Variants in COL4A2 observed in about 807,000 individuals in gnomAD.
COL4A2 encodes the protein collagen type IV alpha 2 chain.
A neutral mutation model predicts 200.2 loss-of-function variants in COL4A2; 99 were observed. That is an observed-to-expected ratio of 0.49 (90% CI 0.42 to 0.58). The LOEUF (loss-of-function observed/expected upper bound fraction) is 0.58. Among genes scored for constraint, COL4A2 ranks in the 20% least tolerant of loss-of-function variants. COL4A2 has a pLI of 0.00. For missense variants in COL4A2, 1,950 were observed against 2,314.1 expected (o/e 0.84, Z 3.23); for synonymous variants, 897 against 900.6 (o/e 1.00, Z 0.07).
At chr13:110,427,958 CTCACTA>C (rs1566527312) in intron 6 of COL4A2, among the ~76,000 whole-genome samples, 1 of 152,224 alleles carries the variant, frequency 6.6e-6, no homozygotes, top group Non-Finnish European at 1.5e-5. Context: ...ATCTGTGAAA[CTCACTA>C]TCTAAAATGC....
At position 110,385,019 on chromosome 13, in the gene COL4A2, C is replaced by T. The variant is rs569958375; in HGVS notation, c.180+27467C>T. Among the ~76,000 whole-genome samples, 7 of 152,274 alleles carry T rather than the reference C, an allele frequency of 4.6e-5. No homozygotes were observed. The East Asian group carries it at 1.4e-3, about 29-fold the overall frequency. On this transcript the variant is annotated intron_variant, in intron 4 of 47. Coordinates refer to ENST00000360467, the MANE Select transcript of COL4A2 (RefSeq NM_001846.4). ...GTGGCTCACGCCTGTAATCCTAGCACTTTGGGAGGCTGAGGCAGGCGGATC... is the reference window on the plus strand; with the variant it reads ...GTGGCTCACGCCTGTAATCCTAGCATTTTGGGAGGCTGAGGCAGGCGGATC...
intron 29 of COL4A2, among the ~76,000 whole-genome samples, chr13:110,474,429 CAG>C (rs746634127): frequency 2.0e-5 from 3 of 152,182 alleles, no homozygotes; most frequent in Admixed American, 1.3e-4. Context: ...GGACCCAGGA[CAG>C]GGGAGTTTTG....
At chr13:110,322,925 G>A (rs751571820) in intron 3 of COL4A2, among the ~76,000 whole-genome samples, 14 of 152,230 alleles carry the variant, frequency 9.2e-5, no homozygotes, top group Non-Finnish European at 2.9e-5. Context: ...TACTGAGGCC[G>A]CCCGAGTCAG....
intron 4 of COL4A2, among the ~76,000 whole-genome samples, chr13:110,421,908 G>A (rs1458282732): frequency 6.6e-6 from 1 of 152,360 alleles, no homozygotes; most frequent in East Asian, 1.9e-4. Context: ...TTGAGGAAGG[G>A]TTGACGAATG....
chr13:110,450,599 A>G (rs1881504151), intron 20 of COL4A2, 145 bp downstream of exon 20: 2 of 955,976 alleles, frequency 2.1e-6, no homozygotes, highest in Non-Finnish European at 3.1e-6. Context: ...GGATCCAGGT[A>G]GATTAGGGTG....
chr13:110,307,957 T>C lies in COL4A2; in HGVS notation c.44+10T>C, dbSNP rs756398337. The C allele has an allele frequency of 1.2e-4, 196 of 1,612,548 alleles. 1 individual carries two copies. The highest frequency in any genetic ancestry group is 6.2e-4 in the South Asian group (56 of 90,972). Reference sequence around the variant, plus strand: ...GCCCTGCCCTACGGCGGTAAGCGACTTTCTGCCTGGTCCCCGTGGGTCACG... The same window carrying C: ...GCCCTGCCCTACGGCGGTAAGCGACCTTCTGCCTGGTCCCCGTGGGTCACG... On this transcript the variant is annotated intron_variant, in intron 2 of 47. Transcript: ENST00000360467. This position sits in a 1 kb window ranked among gnomAD's most constrained non-coding sequence, Gnocchi z 5.0.
intron 34 of COL4A2, among the ~76,000 whole-genome samples, chr13:110,488,520 C>A (rs903059828): frequency 6.6e-6 from 1 of 152,176 alleles, no homozygotes; most frequent in African/African-American, 2.4e-5. Context: ...TCCTTACCAG[C>A]CACCTGTGTC....
chr13:110,397,393 A>G (rs977417359), intron 4 of COL4A2, among the ~76,000 whole-genome samples: 1 of 152,232 alleles, frequency 6.6e-6, no homozygotes, highest in African/African-American at 2.4e-5. Context: ...GTCAGTATTT[A>G]TAGGCTTGAT....
chr13:110,370,326 C>CA (rs1431419197), intron 4 of COL4A2, among the ~76,000 whole-genome samples: 1 of 151,994 alleles, frequency 6.6e-6, no homozygotes, highest in African/African-American at 2.4e-5. Context: ...TGCAATGTAG[C>CA]AATCTCGACT....
chr13:110,317,224 C>T (rs541316868), intron 3 of COL4A2, among the ~76,000 whole-genome samples: 1 of 151,302 alleles, frequency 6.6e-6, no homozygotes, highest in African/African-American at 2.4e-5. Context: ...CCCACACACA[C>T]AGACACACAC....
chr13:110,430,300 T>G (rs1399723888), intron 8 of COL4A2, 101 bp from the exon 9 acceptor site: 1 of 1,492,746 alleles, frequency 6.7e-7, no homozygotes, highest in African/African-American at 1.4e-5. Context: ...CTGATAGGGC[T>G]GATCTGTTTG....
chr13:110,400,605 A>G (rs138304317), intron 4 of COL4A2, among the ~76,000 whole-genome samples: 251 of 152,370 alleles, frequency 1.6e-3, no homozygotes, highest in African/African-American at 5.9e-3. Context: ...TATGATGACT[A>G]TTAATTACAT....
At chr13:110,431,824 G>A (rs1483783430) in intron 10 of COL4A2, among the ~76,000 whole-genome samples, 1 of 152,192 alleles carries the variant, frequency 6.6e-6, no homozygotes, top group Non-Finnish European at 1.5e-5. Flanking sequence ...TTAATCCTAA[G>A]CACAGTGTTG....
At chr13:110,496,945 C>G (rs1811182631) in intron 40 of COL4A2, among the ~76,000 whole-genome samples, 1 of 137,024 alleles carries the variant, frequency 7.3e-6, no homozygotes, top group African/African-American at 2.8e-5. Flanking sequence ...GGGTGAAGAT[C>G]TAGGGTTAGC....
chr13:110,494,836 G>A (rs146107004), intron 39 of COL4A2, among the ~76,000 whole-genome samples: 22 of 152,354 alleles, frequency 1.4e-4, no homozygotes, highest in African/African-American at 4.8e-4. Flanking sequence ...TTGTATGTGT[G>A]TATATTACAC....
Position 110,344,176 on chromosome 13 carries a change from A to G in COL4A2, c.100-13296A>G, listed in dbSNP as rs1043830544. On this transcript the variant is annotated intron_variant, in intron 3 of 47. Transcript: ENST00000360467. ...TGTAACATGTGAAACTCTTCACTGC[A>G]TGTGTACCTATGAGTCTGAAAACTC... Among the ~76,000 whole-genome samples the G allele has an allele frequency of 5.3e-5, 8 of 152,214 alleles. 1 individual carries two copies. Among genetic ancestry groups the G allele is most frequent in the Non-Finnish European group, 1.2e-4 (8 of 68,032 alleles).
rs186888528 is a variant in COL4A2, at chr13:110,506,590, G to A, written c.4578G>A (p.Ala1526=). 2,035 of 1,611,350 alleles carry A rather than the reference G, an allele frequency of 1.3e-3. 6 individuals carry two copies. Among genetic ancestry groups the A allele is most frequent in the Admixed American group, 5.8e-3 (348 of 59,702 alleles). The change falls in exon 46 of 48, where the codon GCG becomes GCA. Residue 1526 remains alanine, a synonymous_variant. Coordinates refer to ENST00000360467, the MANE Select transcript of COL4A2 (RefSeq NM_001846.4). ...TGTACTTCGAGGGCCAGGAGAAGGC[G>A]CACAACCAGGACCTGGGTAGGTACC... ...SLLYFEGQEK[A]HNQDLGLAGS...
chr13:110,494,376 A>G (rs1216494120), intron 39 of COL4A2, among the ~76,000 whole-genome samples: 1 of 152,110 alleles, frequency 6.6e-6, no homozygotes, highest in African/African-American at 2.4e-5. Context: ...AAATTCAGCT[A>G]TTTTCATCCT....
chr13:110,391,527 A>C (rs1391289476), intron 4 of COL4A2, among the ~76,000 whole-genome samples: 2 of 152,332 alleles, frequency 1.3e-5, no homozygotes, highest in African/African-American at 4.8e-5. Context: ...CTGAGTCATT[A>C]AGAATGTTTA....
Sources: gnomAD v4.1 joint callset for allele counts (sites outside exome capture counted in the v4.1 genomes callset) on GRCh38, gnomAD v4.1.1 for gene constraint, Gnocchi (gnomAD v3.1) non-coding constraint, MANE v1.5 for transcripts, NCBI Gene and HGNC (gene_info 2026-07-23, HGNC 2026-07-21) for gene names.